Variants in CHD9 observed in about 807,000 individuals in gnomAD.
The protein encoded by CHD9 is ATP-dependent chromatin remodeler CHD9.
Under a neutral mutation model 316.1 loss-of-function variants are expected in CHD9, and 77 were observed. The ratio of observed to expected loss-of-function variants is 0.24; its 90% CI spans 0.20 to 0.29. The LOEUF (loss-of-function observed/expected upper bound fraction) is 0.29. CHD9 is among the 10% of genes least tolerant of loss of function. The pLI, the probability that CHD9 is intolerant of heterozygous loss-of-function variation, is 1.00. For missense variants in CHD9, 2,763 were observed against 3,438.1 expected (o/e 0.80, Z 4.91); for synonymous variants, 1,129 against 1,158.3 (o/e 0.97, Z 0.51).
intron 1 of CHD9, among the ~76,000 whole-genome samples, chr16:53,151,917 CT>C (rs775676393): frequency 2.0e-5 from 3 of 151,826 alleles, no homozygotes; most frequent in Non-Finnish European, 4.4e-5. Flanking sequence ...TTTCTGTCAA[CT>C]TTTTTCTTCC....
chr16:53,121,776 A>G (rs1199553140), intron 1 of CHD9: 1 of 160,902 alleles, frequency 6.2e-6, no homozygotes, highest in Non-Finnish European at 1.4e-5. Flanking sequence ...AAAGAAGTCT[A>G]AAGAACTTTC....
At chr16:53,308,224 C>A (rs1346145189) in intron 33 of CHD9, among the ~76,000 whole-genome samples, 1 of 152,066 alleles carries the variant, frequency 6.6e-6, no homozygotes, top group Non-Finnish European at 1.5e-5. Flanking sequence ...TGTTTTGGTT[C>A]TTTTATATAG....
At chr16:53,193,820 C>T (rs2044674041) in intron 2 of CHD9, among the ~76,000 whole-genome samples, 1 of 152,150 alleles carries the variant, frequency 6.6e-6, no homozygotes, top group Non-Finnish European at 1.5e-5. Context: ...TGATTATCCT[C>T]ATTATACAGA....
chr16:53,079,959 T>A (rs572943803), intron 1 of CHD9, among the ~76,000 whole-genome samples: 2 of 152,296 alleles, frequency 1.3e-5, no homozygotes, highest in East Asian at 3.9e-4. Context: ...TAGCAAATTA[T>A]TGAATCTGAG....
At chr16:53,188,415 C>G (rs948147398) in intron 2 of CHD9, among the ~76,000 whole-genome samples, 2 of 151,988 alleles carry the variant, frequency 1.3e-5, no homozygotes, top group Non-Finnish European at 2.9e-5. Flanking sequence ...AGCAGCTGTA[C>G]CATTTTACAT....
chr16:53,182,648 A>G (rs931339294), intron 2 of CHD9, among the ~76,000 whole-genome samples: 1 of 152,158 alleles, frequency 6.6e-6, no homozygotes, highest in Non-Finnish European at 1.5e-5. Context: ...ATTTTTTTCC[A>G]TATTTCTGAG....
chr16:53,072,042 A>G lies in CHD9; in HGVS notation c.-165+16965A>G, dbSNP rs893031706. Among the ~76,000 whole-genome samples, 11 of 151,978 alleles carry G rather than the reference A, an allele frequency of 7.2e-5. No homozygotes were observed. In the East Asian group the frequency reaches 2.1e-3, roughly 29 times the overall value. ...CACAGACACACATGCATGCACACCC[A>G]CCTCTGTATCCAAATGTCTGCAGAA... On this transcript the variant is annotated intron_variant, in intron 1 of 38. Transcript: ENST00000447540.
chr16:53,210,920 A>C (rs577265621), intron 3 of CHD9, among the ~76,000 whole-genome samples: 1 of 152,210 alleles, frequency 6.6e-6, no homozygotes, highest in South Asian at 2.1e-4. Flanking sequence ...TTTTACTTGC[A>C]GACAGCTAAA....
chr16:53,238,811 G>T (rs1056740152), intron 12 of CHD9, among the ~76,000 whole-genome samples: 1 of 152,122 alleles, frequency 6.6e-6, no homozygotes, highest in Non-Finnish European at 1.5e-5. Context: ...GAAGTATGCA[G>T]ATTTAAACAA....
At chr16:53,248,352 T>C (rs2049825436) in intron 16 of CHD9, among the ~76,000 whole-genome samples, 1 of 150,290 alleles carries the variant, frequency 6.7e-6, no homozygotes, top group South Asian at 2.1e-4. Flanking sequence ...AAAAAAAAAA[T>C]TGTCTAATCA....
Position 53,209,531 on chromosome 16 carries a change from A to C in CHD9, c.1502A>C (p.Gln501Pro). 6.2e-7 allele frequency: 1 copy of C among 1,613,858 alleles called. No homozygotes were observed. Among genetic ancestry groups the C allele is most frequent in the Non-Finnish European group, 8.5e-7 (1 of 1,179,784 alleles). The change falls in exon 3 of 39, where the codon CAG (glutamine) becomes CCG (proline). Residue 501 changes from glutamine (Q) to proline (P), a missense_variant. Transcript: ENST00000447540. ...SDGSGTYTKL[Q>P]NTQVRVMSEK... ...GGTTCTGGGACATATACTAAGTTGC[A>C]GAATACCCAGGTGAGGGTCATGTCT...
At chr16:53,268,971 A>T (rs1391985746) in intron 22 of CHD9, among the ~76,000 whole-genome samples, 1 of 151,784 alleles carries the variant, frequency 6.6e-6, no homozygotes, top group Non-Finnish European at 1.5e-5. Context: ...CCCGGCTTTT[A>T]AAAATTTTTT....
At chr16:53,267,609 G>GA in intron 21 of CHD9, 119 bp downstream of exon 21, 1 of 729,802 alleles carries the variant, frequency 1.4e-6, no homozygotes, top group Non-Finnish European at 2.1e-6. Context: ...TACTTTTAAA[G>GA]TACTCTATTT....
At chr16:53,211,976 A>G (rs1377932188) in intron 3 of CHD9, among the ~76,000 whole-genome samples, 1 of 152,238 alleles carries the variant, frequency 6.6e-6, no homozygotes, top group African/African-American at 2.4e-5. Flanking sequence ...TTTTATAATT[A>G]AACATCTCAT....
chr16:53,213,022 CA>C (rs1158508865), intron 3 of CHD9, among the ~76,000 whole-genome samples: 2 of 152,212 alleles, frequency 1.3e-5, no homozygotes, highest in African/African-American at 4.8e-5. Context: ...TTCAAGCCCA[CA>C]CTCATTCAGC....
chr16:53,209,907 C>G (rs1255854983), intron 3 of CHD9, 94 bp downstream of exon 3: 3 of 866,082 alleles, frequency 3.5e-6, no homozygotes, highest in Admixed American at 6.0e-5. Flanking sequence ...TATATTTACT[C>G]CCATATTTGA....
chr16:53,130,530 G>A (rs940748979), intron 1 of CHD9, among the ~76,000 whole-genome samples: 1 of 148,982 alleles, frequency 6.7e-6, no homozygotes, highest in Admixed American at 6.7e-5. Flanking sequence ...GCGGCCTGAC[G>A]TGGCGGCCGC....
chr16:53,068,125 C>T (rs2033688774), intron 1 of CHD9, among the ~76,000 whole-genome samples: 1 of 152,174 alleles, frequency 6.6e-6, no homozygotes, highest in South Asian at 2.1e-4. Context: ...CACTTACTGG[C>T]TGTGTTTGAC....
intron 2 of CHD9, among the ~76,000 whole-genome samples, chr16:53,184,163 C>G (rs746613001): frequency 1.3e-5 from 2 of 152,044 alleles, no homozygotes; most frequent in Non-Finnish European, 2.9e-5. Context: ...CCAGGATGGT[C>G]TCGATCTCCT....
Sources: gnomAD v4.1 joint callset for allele counts (sites outside exome capture counted in the v4.1 genomes callset) on GRCh38, gnomAD v4.1.1 for gene constraint, MANE v1.5 for transcripts, NCBI Gene and HGNC (gene_info 2026-07-23, HGNC 2026-07-21) for gene names.